UBE2G1: variants seen among roughly 807,000 people sequenced by gnomAD.
UBE2G1 encodes the protein ubiquitin-conjugating enzyme E2 G1.
A neutral mutation model predicts 22.7 loss-of-function variants in UBE2G1; 5 were observed. That is an observed-to-expected ratio of 0.22 (90% CI 0.12 to 0.46). UBE2G1 has a LOEUF of 0.46. UBE2G1 is among the 20% of genes least tolerant of loss of function. UBE2G1 has a pLI of 0.99. For synonymous variants in UBE2G1, 74 were observed against 67.5 expected, an observed-to-expected ratio of 1.10 and a Z score of -0.47; for missense variants, 88 against 203.9, an observed-to-expected ratio of 0.43 and a Z score of 3.46.
intron 1 of UBE2G1, among the ~76,000 whole-genome samples, chr17:4,340,765 CTATTTTTTTT>C (rs1205900498): frequency 6.6e-6 from 1 of 150,720 alleles, no homozygotes; most frequent in African/African-American, 2.5e-5. Flanking sequence ...ACCCAACATA[CTATTTTTTTT>C]TATTTTTTCT....
At chr17:4,282,535 A>T (rs1330824276) in intron 5 of UBE2G1, among the ~76,000 whole-genome samples, 1 of 152,246 alleles carries the variant, frequency 6.6e-6, no homozygotes, top group East Asian at 1.9e-4. Context: ...CAACCTTATC[A>T]TTAGAAACTT....
chr17:4,307,557 A>G (rs570640386), intron 1 of UBE2G1, among the ~76,000 whole-genome samples: 4 of 152,326 alleles, frequency 2.6e-5, no homozygotes, highest in Admixed American at 2.6e-4. Context: ...ACTGCGCTTA[A>G]TAACTTTCAT....
intron 4 of UBE2G1, among the ~76,000 whole-genome samples, chr17:4,283,997 A>G (rs1233500741): frequency 6.6e-6 from 1 of 151,606 alleles, no homozygotes. Flanking sequence ...CTCAACTAAA[A>G]GATACAAAAA....
chr17:4,290,347 G>A (rs552922556), intron 3 of UBE2G1, among the ~76,000 whole-genome samples: 19 of 151,982 alleles, frequency 1.3e-4, no homozygotes, highest in African/African-American at 3.6e-4. Context: ...CTTATTTTTC[G>A]TTTCATAACA....
chr17:4,349,547 A>G (rs1037917902), intron 1 of UBE2G1, among the ~76,000 whole-genome samples: 1 of 152,070 alleles, frequency 6.6e-6, no homozygotes, highest in Admixed American at 6.6e-5. Flanking sequence ...GTCTAAAAAT[A>G]AAATACATTT....
chr17:4,312,050 C>A (rs1032954666), intron 1 of UBE2G1, among the ~76,000 whole-genome samples: 1 of 151,970 alleles, frequency 6.6e-6, no homozygotes, highest in Non-Finnish European at 1.5e-5. Context: ...GAGTTCGAGA[C>A]CAGCCTGGCT....
Position 4,366,368 on chromosome 17 carries a change from C to A in UBE2G1, c.-52G>T. The stretch of plus-strand genomic sequence containing the variant: ...GCCGGGGCTTCCGAAGGGCTGGGGA[C>A]AGGCTCTGGGGGCGGCTGGAGCGGG... On this transcript the variant is annotated 5_prime_UTR_variant, in exon 1 of 6. Transcript: ENST00000396981. 6.8e-7 allele frequency: 1 copy of A among 1,480,694 alleles called. No homozygotes were observed. Among genetic ancestry groups the A allele is most frequent in the Non-Finnish European group, 8.9e-7 (1 of 1,124,004 alleles). 91.7% of individuals were successfully genotyped at this position (1,480,694 alleles called of 1,614,324 possible).
rs543708876 is a variant in UBE2G1, at chr17:4,301,132, G to A, written c.150-4318C>T. Among the ~76,000 whole-genome samples, 63 of 152,170 alleles carry A rather than the reference G, an allele frequency of 4.1e-4. 1 individual carries two copies. Among genetic ancestry groups the A allele is most frequent in the Admixed American group, 3.7e-3 (57 of 15,282 alleles). On this transcript the variant is annotated intron_variant, in intron 2 of 5. Coordinates refer to ENST00000396981, the MANE Select transcript of UBE2G1 (RefSeq NM_003342.5). The stretch of plus-strand genomic sequence containing the variant: ...TGTAAATAATGTGCTGTATGCTGCC[G>A]TCTGCAATTTGCTCAACATTGTTCT...
At chr17:4,312,179 A>G (rs1268237180) in intron 1 of UBE2G1, among the ~76,000 whole-genome samples, 1 of 151,264 alleles carries the variant, frequency 6.6e-6, no homozygotes, top group African/African-American at 2.4e-5. Flanking sequence ...GGCGGAGGTC[A>G]CCGAGATCAT....
At chr17:4,283,289 G>A (rs891320928) in intron 4 of UBE2G1, among the ~76,000 whole-genome samples, 1 of 152,226 alleles carries the variant, frequency 6.6e-6, no homozygotes, top group Non-Finnish European at 1.5e-5. Flanking sequence ...GAGGTGGGCG[G>A]ATCACGAGGT....
chr17:4,349,099 G>C (rs1176231777), intron 1 of UBE2G1, among the ~76,000 whole-genome samples: 3 of 152,144 alleles, frequency 2.0e-5, no homozygotes, highest in Non-Finnish European at 4.4e-5. Context: ...GAGGTGGGCA[G>C]ATCACGAGGT....
Position 4,366,636 on chromosome 17 carries a change from C to CA in UBE2G1, c.-321dup. 3.5e-6 allele frequency: 1 copy of CA among 284,528 alleles called. No homozygotes were observed. 17.6% of individuals were successfully genotyped at this position (284,528 alleles called of 1,614,324 possible). A position where few individuals can be genotyped will look rare whatever the true frequency, so the allele number is the denominator to read the frequency against. ...CCGGTGCCTTCCCCCGCCACTGCCT[C>CA]ACTGCGCGCAGGGCCGCTCGGCGCA... On this transcript the variant is annotated 5_prime_UTR_variant, in exon 1 of 6. Transcript: ENST00000396981.
intron 2 of UBE2G1, among the ~76,000 whole-genome samples, chr17:4,297,052 C>T (rs1034690786): frequency 6.6e-6 from 1 of 152,174 alleles, no homozygotes; most frequent in African/African-American, 2.4e-5. Context: ...GCTAAAAAGA[C>T]ATTCACACCA....
intron 1 of UBE2G1, among the ~76,000 whole-genome samples, chr17:4,356,266 G>C (rs112519871): frequency 6.6e-6 from 1 of 151,640 alleles, no homozygotes; most frequent in Non-Finnish European, 1.5e-5. Context: ...GCTGAGGCAG[G>C]AGAATCGCTT....
At chr17:4,302,306 G>T (rs1969192794) in intron 2 of UBE2G1, 1 of 472,820 alleles carries the variant, frequency 2.1e-6, no homozygotes, top group African/African-American at 2.0e-5. Context: ...TCTGGGTTCT[G>T]CGTGTGGTTG....
At position 4,269,565 on chromosome 17, in the gene UBE2G1, A is replaced by T. The variant is rs989037064; in HGVS notation, c.*2989T>A. 14 of 186,202 alleles carry T rather than the reference A, an allele frequency of 7.5e-5. No individual in the cohort carries two copies. Among genetic ancestry groups the T allele is most frequent in the African/African-American group, 3.4e-4 (14 of 41,568 alleles). 11.5% of individuals were successfully genotyped at this position (186,202 alleles called of 1,614,324 possible). On this transcript the variant is annotated 3_prime_UTR_variant, in exon 6 of 6. Transcript: ENST00000396981. ...ATCAAATAAAATCTCACAACCAAGA[A>T]TGAAGGCCGTTAAAGATACTGACAC...
intron 2 of UBE2G1, among the ~76,000 whole-genome samples, chr17:4,304,362 G>T (rs1415167655): frequency 6.6e-6 from 1 of 152,100 alleles, no homozygotes; most frequent in Non-Finnish European, 1.5e-5. Flanking sequence ...GATATGAGTG[G>T]TTATCCATAC....
At chr17:4,330,266 T>C (rs753918503) in intron 1 of UBE2G1, among the ~76,000 whole-genome samples, 4 of 152,146 alleles carry the variant, frequency 2.6e-5, no homozygotes, top group Non-Finnish European at 2.9e-5. Context: ...CAAAGCCTAA[T>C]TGTTTCTAAA....
At chr17:4,312,057 G>A (rs1244573156) in intron 1 of UBE2G1, among the ~76,000 whole-genome samples, 1 of 152,100 alleles carries the variant, frequency 6.6e-6, no homozygotes, top group Admixed American at 6.5e-5. Context: ...AGACCAGCCT[G>A]GCTAACACAG....
Sources: gnomAD v4.1 joint callset for allele counts (sites outside exome capture counted in the v4.1 genomes callset) on GRCh38, gnomAD v4.1.1 for gene constraint, MANE v1.5 for transcripts, NCBI Gene and HGNC (gene_info 2026-07-23, HGNC 2026-07-21) for gene names.